The following DENND4A variants were observed in gnomAD, a reference collection of about 807,000 sequenced individuals.
The protein encoded by DENND4A is C-myc promoter-binding protein.
Under a neutral mutation model 199.3 loss-of-function variants are expected in DENND4A, and 70 were observed. The ratio of observed to expected loss-of-function variants is 0.35; its 90% CI spans 0.29 to 0.43. The LOEUF (loss-of-function observed/expected upper bound fraction) is 0.43, where lower values mean the gene tolerates loss of function less well. Among genes scored for constraint, DENND4A ranks in the 20% least tolerant of loss-of-function variants. The pLI is 1.00. For missense variants in DENND4A, 1,723 were observed against 2,255.8 expected (o/e 0.76, Z 4.78); for synonymous variants, 686 against 766.9 (o/e 0.89, Z 1.74).
At chr15:65,665,290 G>T in intron 30 of DENND4A, 55 bp downstream of exon 30, 1 of 1,387,690 alleles carries the variant, frequency 7.2e-7, no homozygotes, top group Non-Finnish European at 1.0e-6. Context: ...GCTATTTAAA[G>T]CTAGTAGAGA....
rs3082834 is a variant in DENND4A at position 65,769,198 on chromosome 15, T to TACACACAC, written c.-101-7768_-101-7761dup. Among the ~76,000 whole-genome samples, 224 of 146,380 alleles carry TACACACAC rather than the reference T, an allele frequency of 1.5e-3. 1 individual carries two copies. The highest frequency in any genetic ancestry group is 4.5e-3 in the Admixed American group (65 of 14,562). On this transcript the variant is annotated intron_variant, in intron 1 of 32. Coordinates refer to ENST00000443035, the MANE Select transcript of DENND4A (RefSeq NM_001320835.1). ...AATGAAATTCCTAGCATATAAGGTA[T>TACACACAC]ACACACACACACACACACACACACA...
chr15:65,772,624 T>G (rs2077164753), intron 1 of DENND4A, among the ~76,000 whole-genome samples: 1 of 141,174 alleles, frequency 7.1e-6, no homozygotes, highest in African/African-American at 2.7e-5. Flanking sequence ...GGAGAATCGC[T>G]TGAACCTGGG....
intron 15 of DENND4A, 160 bp downstream of exon 15, chr15:65,705,931 C>CTT: frequency 1.1e-6 from 1 of 914,134 alleles, no homozygotes; most frequent in Non-Finnish European, 1.3e-6. Context: ...TTTTATACCT[C>CTT]AAAGCTTAAT....
intron 23 of DENND4A, among the ~76,000 whole-genome samples, chr15:65,686,988 C>G (rs1013772418): frequency 6.6e-6 from 1 of 152,164 alleles, no homozygotes; most frequent in African/African-American, 2.4e-5. Context: ...CAAGCATGAG[C>G]CACCATGCCT....
At chr15:65,685,760 C>T (rs2076755868) in intron 23 of DENND4A, among the ~76,000 whole-genome samples, 1 of 152,188 alleles carries the variant, frequency 6.6e-6, no homozygotes, top group African/African-American at 2.4e-5. Flanking sequence ...ATCCAATTAT[C>T]TCAGCACCAT....
At chr15:65,671,184 TCATGAAA>T (rs1243466388) in intron 25 of DENND4A, among the ~76,000 whole-genome samples, 2 of 152,140 alleles carry the variant, frequency 1.3e-5, no homozygotes, top group African/African-American at 4.8e-5. Flanking sequence ...AAGAGAACAT[TCATGAAA>T]CAAACCCAAA....
intron 24 of DENND4A, among the ~76,000 whole-genome samples, chr15:65,674,058 A>AG (rs2076296461): frequency 6.6e-6 from 1 of 152,178 alleles, no homozygotes; most frequent in Non-Finnish European, 1.5e-5. Context: ...GGAAAAAAAG[A>AG]GGGAGAGGAA....
At chr15:65,664,508 CA>C in intron 31 of DENND4A, 51 bp downstream of exon 31, 1 of 1,567,810 alleles carries the variant, frequency 6.4e-7, no homozygotes, top group Non-Finnish European at 8.7e-7. Flanking sequence ...ACTAAGCAAA[CA>C]ATATGAATCT....
chr15:65,713,123 T>G (rs1047210633), intron 14 of DENND4A, among the ~76,000 whole-genome samples: 7 of 152,186 alleles, frequency 4.6e-5, no homozygotes, highest in Admixed American at 1.3e-4. Context: ...TCAAACCACA[T>G]TCAAGTTTTG....
At chr15:65,683,465 C>A (rs533307781) in intron 23 of DENND4A, among the ~76,000 whole-genome samples, 14 of 152,122 alleles carry the variant, frequency 9.2e-5, no homozygotes, top group Non-Finnish European at 1.5e-4. Context: ...TAAGGCAGAA[C>A]CATAAATCAT....
intron 1 of DENND4A, among the ~76,000 whole-genome samples, chr15:65,774,154 G>A (rs532982074): frequency 4.1e-4 from 62 of 151,990 alleles, no homozygotes; most frequent in African/African-American, 1.4e-3. Context: ...TCACGAGTTC[G>A]AGACCAGCTT....
intron 23 of DENND4A, among the ~76,000 whole-genome samples, chr15:65,681,571 A>AT (rs1319956178): frequency 0.022 from 3,169 of 142,080 alleles, 66 homozygotes; most frequent in Middle Eastern, 0.043. Flanking sequence ...TTGACATTTC[A>AT]TTTTTTTGTT....
intron 29 of DENND4A, among the ~76,000 whole-genome samples, chr15:65,665,985 C>A (rs2076023284): frequency 1.3e-5 from 2 of 152,076 alleles, no homozygotes; most frequent in Non-Finnish European, 2.9e-5. Context: ...ACCGAAAATA[C>A]AAATGAACAT....
At chr15:65,739,493 A>G (rs2076197553) in intron 5 of DENND4A, among the ~76,000 whole-genome samples, 1 of 152,230 alleles carries the variant, frequency 6.6e-6, no homozygotes, top group South Asian at 2.1e-4. Context: ...CGGTCCAGGC[A>G]TCTTCCACTG....
intron 2 of DENND4A, among the ~76,000 whole-genome samples, chr15:65,757,610 C>T (rs776430896): frequency 3.9e-5 from 6 of 152,074 alleles, no homozygotes; most frequent in Non-Finnish European, 7.4e-5. Flanking sequence ...TAGGCCTATT[C>T]ACACTTGGGT....
intron 11 of DENND4A, among the ~76,000 whole-genome samples, chr15:65,725,513 A>G (rs1272069082): frequency 6.6e-6 from 1 of 151,860 alleles, no homozygotes; most frequent in African/African-American, 2.4e-5. Context: ...CGTCTCTACT[A>G]AAAAATTCAA....
At chr15:65,717,697 G>A (rs940020403) in intron 13 of DENND4A, 81 bp downstream of exon 13, 5 of 1,204,174 alleles carry the variant, frequency 4.2e-6, no homozygotes, top group Non-Finnish European at 4.6e-6. Context: ...ATAAATATGA[G>A]CTATTAATAC....
intron 4 of DENND4A, among the ~76,000 whole-genome samples, chr15:65,747,291 G>A (rs2076429006): frequency 6.6e-6 from 1 of 152,124 alleles, no homozygotes; most frequent in African/African-American, 2.4e-5. Context: ...CTAAAATACT[G>A]TAATTATGTT....
intron 1 of DENND4A, among the ~76,000 whole-genome samples, chr15:65,763,105 C>A (rs2076894530): frequency 6.6e-6 from 1 of 151,806 alleles, no homozygotes; most frequent in Non-Finnish European, 1.5e-5. Context: ...AGAGCCAGAC[C>A]AACTGTATTG....
Sources: allele counts gnomAD v4.1 joint callset (sites outside exome capture counted in the v4.1 genomes callset), GRCh38; gene constraint gnomAD v4.1.1; transcripts MANE v1.5; gene names NCBI Gene and HGNC (gene_info 2026-07-23, HGNC 2026-07-21).